The following PPM1F variants were observed in gnomAD, a reference collection of about 807,000 sequenced individuals.
PPM1F encodes protein phosphatase 1F.
A neutral mutation model predicts 35.5 loss-of-function variants in PPM1F; 17 were observed. The ratio of observed to expected loss-of-function variants is 0.48; its 90% CI spans 0.33 to 0.72. The LOEUF (loss-of-function observed/expected upper bound fraction) is 0.72, where lower values mean the gene tolerates loss of function less well. PPM1F is among the 30% of genes least tolerant of loss of function. PPM1F has a pLI of 0.02. For synonymous variants in PPM1F, 241 were observed against 255.5 expected (o/e 0.94, Z 0.54); for missense variants, 521 against 613.0 (o/e 0.85, Z 1.59).
intron 6 of PPM1F, among the ~76,000 whole-genome samples, chr22:21,927,198 A>G (rs959595232): frequency 3.4e-4 from 52 of 152,184 alleles, no homozygotes; most frequent in African/African-American, 1.2e-3. Context: ...GAGGACCAGG[A>G]AGGAGGGAAG....
intron 1 of PPM1F, chr22:21,948,148 G>C (rs968315680): frequency 6.6e-6 from 1 of 152,088 alleles, no homozygotes; most frequent in Non-Finnish European, 1.5e-5. Context: ...ATGCAACCCA[G>C]GTTACAGAAG....
Position 21,934,088 on chromosome 22 carries a change from G to A in PPM1F, c.494C>T (p.Thr165Ile). The A allele has an allele frequency of 6.4e-7, 1 of 1,564,916 alleles. No individual in the cohort carries two copies. Among genetic ancestry groups the A allele is most frequent in the Non-Finnish European group, 8.7e-7 (1 of 1,154,714 alleles). Residue 165 changes from threonine (T) to isoleucine (I), a missense_variant, in exon 4 of 8, where the codon ACT (threonine) becomes ATT (isoleucine). Coordinates refer to ENST00000263212, the MANE Select transcript of PPM1F (RefSeq NM_014634.4). ...WLVSIHAIRNTRRKMEDRHVS... is the reference protein window; with the variant it reads ...WLVSIHAIRNIRRKMEDRHVS... Reference sequence around the variant, plus strand: ...GTGCCGGTCCTCCATCTTGCGGCGAGTGTTCCGGATGGCGTGGATGGAGAC... The same window carrying A: ...GTGCCGGTCCTCCATCTTGCGGCGAATGTTCCGGATGGCGTGGATGGAGAC...
chr22:21,928,480 C>T (rs917186678), intron 6 of PPM1F, among the ~76,000 whole-genome samples: 9 of 152,338 alleles, frequency 5.9e-5, no homozygotes, highest in African/African-American at 1.7e-4. Context: ...TGAGTCCTTA[C>T]AGAGTTCCTC....
Position 21,923,680 on chromosome 22 carries a change from C to G in PPM1F, c.986-209G>C, listed in dbSNP as rs576889222. 3.3e-5 allele frequency among the ~76,000 whole-genome samples: 5 copies of G among 152,018 alleles called. No individual in the cohort carries two copies. In the South Asian group the frequency reaches 6.3e-4, roughly 19 times the overall value. On this transcript the variant is annotated intron_variant, in intron 7 of 7. Transcript: ENST00000263212. ...CCTGACCTTGGCCTGTGAGCTCCCC[C>G]TTTTTTTCTTTTTTCTTTTTTGAGA...
chr22:21,931,613 A>T (rs1055153164), intron 5 of PPM1F, among the ~76,000 whole-genome samples: 2 of 151,952 alleles, frequency 1.3e-5, no homozygotes, highest in Non-Finnish European at 2.9e-5. Context: ...CCCGGGTTCA[A>T]GTGATTCTCC....
At chr22:21,940,934 T>G (rs2070718555) in intron 2 of PPM1F, among the ~76,000 whole-genome samples, 1 of 152,216 alleles carries the variant, frequency 6.6e-6, no homozygotes. Flanking sequence ...GGTCTTGCTC[T>G]GTCTCCCAGG....
Position 21,925,559 on chromosome 22 carries a change from T to C in PPM1F, c.985+10A>G. The C allele has an allele frequency of 6.2e-7, 1 of 1,613,700 alleles. No homozygotes were observed. The highest frequency in any genetic ancestry group is 8.5e-7 in the Non-Finnish European group (1 of 1,179,728). On this transcript the variant is annotated intron_variant, in intron 7 of 7. Transcript: ENST00000263212. ...CTTCTCCCACTTGGGTCGGCCTCTT[T>C]GGCTCTCACCGATGGCTCTGGAGAC...
rs772079351 is a variant in PPM1F at position 21,933,434 on chromosome 22, A to G, written c.704T>C (p.Phe235Ser). 6.2e-7 allele frequency: 1 copy of G among 1,612,892 alleles called. No individual in the cohort carries two copies. The highest frequency in any genetic ancestry group is 1.1e-5 in the South Asian group (1 of 91,074). The part of the protein sequence containing the change: ...TDPEGALREA[F>S]RRTDQMFLRK... ...GAGAAACATCTGGTCGGTGCGCCGG[A>G]AGGCTTCTCTGAGGGCTCCCTCAGG... is the stretch of plus-strand genomic sequence containing the variant. The change falls in exon 5 of 8, where the codon TTC (phenylalanine) becomes TCC (serine). Residue 235 changes from phenylalanine (F) to serine (S), a missense_variant. Phe to Ser is a radical substitution (Grantham distance 155). Transcript: ENST00000263212.
Position 21,952,828 on chromosome 22 carries a change from C to A in PPM1F, c.-97G>T, listed in dbSNP as rs1284101733. On this transcript the variant is annotated 5_prime_UTR_variant, in exon 1 of 8. Coordinates refer to ENST00000263212, the MANE Select transcript of PPM1F (RefSeq NM_014634.4). ...GCGGGCCTCAGCTGTCTCCTCGCGG[C>A]TCCGTGTCCCGCAAGCTGCTGCCGG... The A allele has an allele frequency of 3.9e-5, 6 of 151,992 alleles. No homozygotes were observed. The highest frequency in any genetic ancestry group is 1.2e-4 in the African/African-American group (5 of 41,384). 9.4% of individuals were successfully genotyped at this position (151,992 alleles called of 1,614,324 possible).
Position 21,946,067 on chromosome 22 carries a change from G to C in PPM1F, c.-19C>G, listed in dbSNP as rs766324273. ...AGGACATGCCCAAAGCATCCCGGGG[G>C]CCTGCAGCTAGGCCAGGGCAAGAGG... On this transcript the variant is annotated 5_prime_UTR_variant, in exon 2 of 8. Transcript: ENST00000263212. 19 of 1,497,690 alleles carry C rather than the reference G, an allele frequency of 1.3e-5. No individual in the cohort carries two copies. The highest frequency in any genetic ancestry group is 1.4e-5 in the Non-Finnish European group (16 of 1,121,428). The allele number at this position is 1,497,690 out of a possible 1,614,324, so 92.8% of individuals were successfully genotyped here. A position where few individuals can be genotyped will look rare whatever the true frequency, so the allele number is the denominator to read the frequency against.
chr22:21,951,972 A>G (rs1014089007), intron 1 of PPM1F: 9 of 152,254 alleles, frequency 5.9e-5, no homozygotes, highest in African/African-American at 9.7e-5. Context: ...CCCACTTTCT[A>G]TCCCCCGTGG....
In PPM1F at chr22:21,923,127, G is replaced by T. The variant is rs1180388157; in HGVS notation, c.1330C>A (p.Pro444Thr). The change falls in exon 8 of 8, where the codon CCA (proline) becomes ACA (threonine). Residue 444 changes from proline to threonine, a missense_variant. Pro to Thr is a conservative substitution (Grantham distance 38). Transcript: ENST00000263212. ...GGTGGAGCCTGGGTCTCAGGTTCTG[G>T]AAGGCTGGAGGGCAAGTCCTGCCTC... ...GRRQDLPSSLPEPETQAPPRS is the reference protein window; with the variant it reads ...GRRQDLPSSLTEPETQAPPRS The T allele has an allele frequency of 6.2e-7, 1 of 1,612,288 alleles. No homozygotes were observed. Among genetic ancestry groups the T allele is most frequent in the Non-Finnish European group, 8.5e-7 (1 of 1,179,288 alleles).
chr22:21,925,481 C>G (rs772942264), intron 7 of PPM1F, 88 bp downstream of exon 7: 1 of 1,131,856 alleles, frequency 8.8e-7, no homozygotes, highest in South Asian at 1.3e-5. Context: ...CACTGCCTCC[C>G]TGAACCCCTG....
intron 1 of PPM1F, chr22:21,952,269 G>C (rs2070847432): frequency 6.6e-6 from 1 of 152,284 alleles, no homozygotes; most frequent in Non-Finnish European, 1.5e-5. Context: ...CCGAGCACTT[G>C]TGCAGCTGAC....
chr22:21,938,592 G>C, intron 3 of PPM1F: 1 of 1,028,936 alleles, frequency 9.7e-7, no homozygotes, highest in East Asian at 1.1e-4. Flanking sequence ...GGAAAGGAAA[G>C]GAAATGGCAA....
Position 21,949,336 on chromosome 22 carries a change from C to G in PPM1F, c.-60-3228G>C, listed in dbSNP as rs1056071443. 30 of 152,362 alleles carry G rather than the reference C, an allele frequency of 2.0e-4. 1 individual carries two copies. The highest frequency in any genetic ancestry group is 7.0e-4 in the African/African-American group (29 of 41,582). 9.4% of individuals were successfully genotyped at this position (152,362 alleles called of 1,614,324 possible). On this transcript the variant is annotated intron_variant, in intron 1 of 7. Transcript: ENST00000263212. The stretch of plus-strand genomic sequence containing the variant: ...GGTGAGGAGAGAAACCAGGACACAG[C>G]TTTCTCTCCCTGGAGCCCAGATGTC...
chr22:21,945,734 G>GCAGAT, intron 2 of PPM1F, 109 bp downstream of exon 2: 1 of 1,152,246 alleles, frequency 8.7e-7, no homozygotes, highest in South Asian at 1.5e-5. Context: ...ATCCGGGGCT[G>GCAGAT]CAGATCCCCG....
At chr22:21,931,388 C>T (rs2070588523) in intron 5 of PPM1F, 97 bp from the exon 6 acceptor site, 3 of 1,231,360 alleles carry the variant, frequency 2.4e-6, no homozygotes, top group African/African-American at 3.0e-5. Flanking sequence ...ATGAATACTT[C>T]CGTTACTGTG....
At chr22:21,944,787 A>T (rs1240441877) in intron 2 of PPM1F, 1 of 152,268 alleles carries the variant, frequency 6.6e-6, no homozygotes, top group African/African-American at 2.4e-5. Context: ...GGGGAGGGCA[A>T]GGGTCTTCCA....
Sources: allele counts gnomAD v4.1 joint callset (sites outside exome capture counted in the v4.1 genomes callset), GRCh38; gene constraint gnomAD v4.1.1; transcripts MANE v1.5; gene names NCBI Gene and HGNC (gene_info 2026-07-23, HGNC 2026-07-21).